The following KIAA1671 variants were observed in gnomAD, a reference collection of about 807,000 sequenced individuals.
KIAA1671 encodes KIAA1671.
Under a neutral mutation model 131.2 loss-of-function variants are expected in KIAA1671, and 52 were observed. The ratio of observed to expected loss-of-function variants is 0.40; its 90% CI spans 0.32 to 0.50. The LOEUF (loss-of-function observed/expected upper bound fraction) is 0.50, where lower values mean the gene tolerates loss of function less well. KIAA1671 is among the 20% of genes least tolerant of loss of function. The probability of loss-of-function intolerance (pLI) is 0.73; values close to 1 mark genes in which losing one functional copy is unlikely to be tolerated. For synonymous variants in KIAA1671, 1,003 were observed against 961.6 expected (o/e 1.04, Z -0.80); for missense variants, 2,360 against 2,364.2 (o/e 1.00, Z 0.04).
chr22:25,063,512 G>A (rs938593979), intron 6 of KIAA1671: 16 of 152,196 alleles, frequency 1.1e-4, no homozygotes, highest in African/African-American at 3.4e-4. Flanking sequence ...TAAGCTATGA[G>A]CATGAAAAGG....
In KIAA1671 at chr22:24,985,064, G is replaced by C. The variant is rs370469948; in HGVS notation, c.-208+32292G>C. Among the ~76,000 whole-genome samples, 15 of 152,080 alleles carry C rather than the reference G, an allele frequency of 9.9e-5. No individual in the cohort carries two copies. In the East Asian group the frequency reaches 2.3e-3, roughly 23 times the overall value. ...ATTCCAACTGTTCCAGAAGCACGGA[G>C]CTGCTGTCTCTCTGATTTTTTGGAT... On this transcript the variant is annotated intron_variant, in intron 1 of 12. Coordinates refer to ENST00000358431, the MANE Select transcript of KIAA1671 (RefSeq NM_001145206.2).
intron 11 of KIAA1671, among the ~76,000 whole-genome samples, chr22:25,189,724 G>A (rs997800784): frequency 1.3e-5 from 2 of 152,162 alleles, no homozygotes; most frequent in Admixed American, 6.6e-5. Flanking sequence ...ATAGCTATTT[G>A]CATGACAAAT....
At chr22:25,148,207 C>A (rs113067247) in intron 6 of KIAA1671, among the ~76,000 whole-genome samples, 1 of 151,548 alleles carries the variant, frequency 6.6e-6, no homozygotes, top group African/African-American at 2.4e-5. Context: ...CCCAGCACCC[C>A]CCTCAGTCCC....
At chr22:24,984,934 AAAAG>A (rs1257073297) in intron 1 of KIAA1671, among the ~76,000 whole-genome samples, 3 of 151,242 alleles carry the variant, frequency 2.0e-5, no homozygotes, top group Non-Finnish European at 4.4e-5. Context: ...AAAAAAAAAA[AAAAG>A]CAGGCAAACA....
chr22:25,174,211 A>T, intron 7 of KIAA1671, 29 bp from the exon 8 acceptor site: 1 of 1,549,872 alleles, frequency 6.5e-7, no homozygotes, highest in South Asian at 1.2e-5. Flanking sequence ...CTCCATAACC[A>T]TGTCTCCCTT....
At chr22:25,184,879 G>T in intron 10 of KIAA1671, 98 bp from the exon 11 acceptor site, 1 of 1,433,448 alleles carries the variant, frequency 7.0e-7, no homozygotes, top group Non-Finnish European at 9.6e-7. Context: ...GGGGCCCCGA[G>T]TGTTTGCAGA....
chr22:25,168,113 G>T (rs900113005), intron 6 of KIAA1671, among the ~76,000 whole-genome samples: 1 of 152,194 alleles, frequency 6.6e-6, no homozygotes, highest in Non-Finnish European at 1.5e-5. Context: ...CTGAGAAGAG[G>T]CTGGCTCCCC....
chr22:25,162,299 C>T (rs778066791), intron 6 of KIAA1671, among the ~76,000 whole-genome samples: 1 of 152,142 alleles, frequency 6.6e-6, no homozygotes, highest in African/African-American at 2.4e-5. Flanking sequence ...GCGTGTGTCC[C>T]CCACGCTGGC....
At chr22:25,018,484 G>C (rs1258741039) in intron 1 of KIAA1671, among the ~76,000 whole-genome samples, 1 of 151,122 alleles carries the variant, frequency 6.6e-6, no homozygotes, top group Admixed American at 6.6e-5. Flanking sequence ...TCACATTGTT[G>C]TGTGACCATC....
chr22:25,093,546 T>G (rs1930123901), intron 6 of KIAA1671, among the ~76,000 whole-genome samples: 2 of 152,124 alleles, frequency 1.3e-5, no homozygotes, highest in Admixed American at 6.5e-5. Flanking sequence ...GGAGAAGTCC[T>G]TCCTCCAAGG....
intron 10 of KIAA1671, among the ~76,000 whole-genome samples, 168 bp downstream of exon 10, chr22:25,181,991 C>A (rs1322576806): frequency 6.6e-6 from 1 of 152,088 alleles, no homozygotes; most frequent in Non-Finnish European, 1.5e-5. Context: ...TCCTGGATAA[C>A]ATGGTGAAAC....
At chr22:25,183,811 C>T (rs6004470) in intron 10 of KIAA1671, among the ~76,000 whole-genome samples, 201 of 151,878 alleles carry the variant, frequency 1.3e-3, no homozygotes, top group African/African-American at 4.7e-3. Context: ...CGTGAGCCAC[C>T]GCATCTGGCC....
intron 1 of KIAA1671, among the ~76,000 whole-genome samples, chr22:25,003,912 G>T (rs530973411): frequency 6.6e-6 from 1 of 151,240 alleles, no homozygotes; most frequent in South Asian, 2.1e-4. Flanking sequence ...CTGCCTCCTG[G>T]GTTCAAGCAG....
chr22:25,120,084 A>G (rs1931859271), intron 6 of KIAA1671, among the ~76,000 whole-genome samples: 1 of 152,148 alleles, frequency 6.6e-6, no homozygotes, highest in African/African-American at 2.4e-5. Context: ...GTTGTTACTA[A>G]TACATTTCTC....
intron 4 of KIAA1671, among the ~76,000 whole-genome samples, chr22:25,034,989 G>A (rs1179381061): frequency 2.7e-5 from 4 of 150,344 alleles, no homozygotes; most frequent in Admixed American, 6.6e-5. Flanking sequence ...CACCTGCCTC[G>A]GCCTCCCAAA....
At chr22:25,082,418 G>A (rs942708615) in intron 6 of KIAA1671, among the ~76,000 whole-genome samples, 2 of 152,160 alleles carry the variant, frequency 1.3e-5, no homozygotes, top group Admixed American at 6.6e-5. Flanking sequence ...ATTTGAGGGT[G>A]TCATTGATTT....
At chr22:25,038,260 C>A (rs935715912) in intron 4 of KIAA1671, among the ~76,000 whole-genome samples, 12 of 152,324 alleles carry the variant, frequency 7.9e-5, no homozygotes, top group Admixed American at 1.3e-4. Context: ...TCTCAGCCTC[C>A]CAAAGTGCTG....
Position 25,004,396 on chromosome 22 carries a change from C to G in KIAA1671, c.-207-21237C>G, listed in dbSNP as rs183808993. 6.0e-3 allele frequency among the ~76,000 whole-genome samples: 914 copies of G among 152,260 alleles called. 8 individuals carry two copies. Among genetic ancestry groups the G allele is most frequent in the Non-Finnish European group, 9.6e-3 (655 of 68,024 alleles). ...AAGCGCTGGGATTACAGGAGTGAGC[C>G]ACCATACCCAACTGAAATGGGATCT... On this transcript the variant is annotated intron_variant, in intron 1 of 12. Coordinates refer to ENST00000358431, the MANE Select transcript of KIAA1671 (RefSeq NM_001145206.2).
At chr22:25,077,558 T>A (rs1929180034) in intron 6 of KIAA1671, among the ~76,000 whole-genome samples, 1 of 152,192 alleles carries the variant, frequency 6.6e-6, no homozygotes, top group African/African-American at 2.4e-5. Context: ...GTGGCTGCTT[T>A]CAGTGTAGTG....
Sources: allele counts gnomAD v4.1 joint callset (sites outside exome capture counted in the v4.1 genomes callset), GRCh38; gene constraint gnomAD v4.1.1; transcripts MANE v1.5; gene names NCBI Gene and HGNC (gene_info 2026-07-23, HGNC 2026-07-21).